The following RIT2 variants were observed in gnomAD, a reference collection of about 807,000 sequenced individuals.
RIT2 encodes the protein Ras like without CAAX 2.
A neutral mutation model predicts 23.7 loss-of-function variants in RIT2; 24 were observed. That is an observed-to-expected ratio of 1.01 (90% confidence interval 0.73 to 1.43). The LOEUF is 1.43. Among genes scored for constraint, RIT2 ranks in the 40% most tolerant of loss-of-function variants. The pLI, the probability that RIT2 is intolerant of heterozygous loss-of-function variation, is 0.00. For missense variants in RIT2, 236 were observed against 266.9 expected, an observed-to-expected ratio of 0.88 and a Z score of 0.81; for synonymous variants, 107 against 91.1, an observed-to-expected ratio of 1.17 and a Z score of -0.99.
intron 1 of RIT2, among the ~76,000 whole-genome samples, chr18:43,071,965 GTGTTT>G (rs1912908064): frequency 6.7e-6 from 1 of 148,376 alleles, no homozygotes; most frequent in Non-Finnish European, 1.5e-5. Flanking sequence ...TATGCCTCTA[GTGTTT>G]TGTTGTTGTT....
chr18:42,899,004 A>G (rs1284787032), intron 4 of RIT2, among the ~76,000 whole-genome samples: 1 of 152,084 alleles, frequency 6.6e-6, no homozygotes, highest in Non-Finnish European at 1.5e-5. Context: ...AAGAGTCTTC[A>G]TTGTGGTAAT....
At chr18:42,755,156 G>GA (rs903679691) in intron 4 of RIT2, among the ~76,000 whole-genome samples, 2 of 151,870 alleles carry the variant, frequency 1.3e-5, no homozygotes, top group African/African-American at 4.8e-5. Flanking sequence ...TTCACTGTCT[G>GA]AAAAAAAGAC....
chr18:43,094,494 A>T (rs1913504194), intron 1 of RIT2, among the ~76,000 whole-genome samples: 1 of 151,956 alleles, frequency 6.6e-6, no homozygotes, highest in Non-Finnish European at 1.5e-5. Context: ...AAAGACTTTC[A>T]AGGAAACAGG....
chr18:43,030,359 GA>G (rs1322168423), intron 2 of RIT2, among the ~76,000 whole-genome samples: 1 of 151,974 alleles, frequency 6.6e-6, no homozygotes, highest in African/African-American at 2.4e-5. Context: ...AAATATGGAT[GA>G]AAATGCTGTA....
intron 2 of RIT2, among the ~76,000 whole-genome samples, chr18:43,001,542 T>C (rs1202657285): frequency 6.6e-6 from 1 of 151,954 alleles, no homozygotes; most frequent in Non-Finnish European, 1.5e-5. Flanking sequence ...GTGGTTAGAT[T>C]GAATATCTTT....
intron 4 of RIT2, among the ~76,000 whole-genome samples, chr18:42,908,456 T>A (rs147959754): frequency 0.013 from 1,985 of 152,202 alleles, 33 homozygotes; most frequent in African/African-American, 0.045. Flanking sequence ...TGAGTAAAAC[T>A]CAACTAGGTT....
At chr18:42,856,256 GGA>G (rs1301065007) in intron 4 of RIT2, among the ~76,000 whole-genome samples, 4 of 152,212 alleles carry the variant, frequency 2.6e-5, no homozygotes, top group Non-Finnish European at 5.9e-5. Flanking sequence ...CCTTTGTTCA[GGA>G]GAGAGTCCTA....
At chr18:43,076,737 A>T (rs1446876252) in intron 1 of RIT2, among the ~76,000 whole-genome samples, 2 of 152,274 alleles carry the variant, frequency 1.3e-5, no homozygotes, top group East Asian at 1.9e-4. Flanking sequence ...ATACCAGATG[A>T]TCTAGACATA....
At chr18:42,755,779 G>C (rs1279309951) in intron 4 of RIT2, among the ~76,000 whole-genome samples, 1 of 152,140 alleles carries the variant, frequency 6.6e-6, no homozygotes, top group Non-Finnish European at 1.5e-5. Context: ...AGAGGAGTTG[G>C]TTGTCGATTT....
chr18:42,929,066 A>ATATATATATATATAT (rs1568032674), intron 3 of RIT2, among the ~76,000 whole-genome samples: 9 of 43,344 alleles, frequency 2.1e-4, no homozygotes, highest in African/African-American at 6.5e-4. Flanking sequence ...TATTTATATG[A>ATATATATATATATAT]GACAAATAAA....
At chr18:42,861,020 T>C (rs1235738793) in intron 4 of RIT2, among the ~76,000 whole-genome samples, 2 of 152,226 alleles carry the variant, frequency 1.3e-5, no homozygotes, top group African/African-American at 4.8e-5. Context: ...CACAAATGTA[T>C]GGACAAGATG....
intron 4 of RIT2, among the ~76,000 whole-genome samples, chr18:42,773,388 C>T (rs906415936): frequency 1.3e-5 from 2 of 152,026 alleles, no homozygotes; most frequent in African/African-American, 2.4e-5. Flanking sequence ...GGAATATAAA[C>T]TGATGAAAAA....
At chr18:42,762,825 A>G (rs1049605260) in intron 4 of RIT2, among the ~76,000 whole-genome samples, 1 of 152,208 alleles carries the variant, frequency 6.6e-6, no homozygotes, top group Non-Finnish European at 1.5e-5. Context: ...TGCAGTATAT[A>G]TGTAACTAGT....
chr18:42,909,204 A>C (rs529185896), intron 4 of RIT2, among the ~76,000 whole-genome samples: 133 of 152,268 alleles, frequency 8.7e-4, no homozygotes, highest in African/African-American at 3.0e-3. Flanking sequence ...CATTATTGTA[A>C]GTGAAATGAC....
At chr18:42,745,879 T>C (rs1912905358) in intron 4 of RIT2, among the ~76,000 whole-genome samples, 1 of 152,146 alleles carries the variant, frequency 6.6e-6, no homozygotes, top group Admixed American at 6.6e-5. Context: ...AATACAACAG[T>C]TCTGGAACTA....
chr18:43,080,484 C>A (rs1171715635), intron 1 of RIT2, among the ~76,000 whole-genome samples: 2 of 152,166 alleles, frequency 1.3e-5, no homozygotes, highest in African/African-American at 4.8e-5. Flanking sequence ...ACATCCAGCC[C>A]ATGGCAACCT....
At chr18:42,857,742 T>C (rs1341057171) in intron 4 of RIT2, among the ~76,000 whole-genome samples, 3 of 152,166 alleles carry the variant, frequency 2.0e-5, no homozygotes, top group African/African-American at 7.2e-5. Flanking sequence ...ATTTCTGCAA[T>C]TGGAGTGTAC....
intron 4 of RIT2, among the ~76,000 whole-genome samples, chr18:42,768,010 T>C (rs1251803785): frequency 6.6e-6 from 1 of 151,978 alleles, no homozygotes; most frequent in African/African-American, 2.4e-5. Flanking sequence ...ATCAGCAGTG[T>C]GAAAACAAAC....
chr18:42,780,056 T>TG (rs1555637074), intron 4 of RIT2, among the ~76,000 whole-genome samples: 1 of 131,910 alleles, frequency 7.6e-6, no homozygotes, highest in African/African-American at 2.9e-5. Context: ...GGTTTTTTTT[T>TG]TTTTTTTTTT....
Sources: gnomAD v4.1 joint callset for allele counts (sites outside exome capture counted in the v4.1 genomes callset) on GRCh38, gnomAD v4.1.1 for gene constraint, MANE v1.5 for transcripts, NCBI Gene and HGNC (gene_info 2026-07-23, HGNC 2026-07-21) for gene names.